The following BACH2 variants were observed in gnomAD, a reference collection of about 807,000 sequenced individuals.
The protein encoded by BACH2 is transcription regulator protein BACH2.
In BACH2, 5 loss-of-function variants were observed where a neutral mutation model predicts 61.8. That is an observed-to-expected ratio of 0.08 (90% CI 0.04 to 0.17). The LOEUF (loss-of-function observed/expected upper bound fraction) is 0.17, where lower values mean the gene tolerates loss of function less well. Ranked by LOEUF, BACH2 falls within the 10% of genes least tolerant of loss-of-function variation. The probability of loss-of-function intolerance (pLI) is 1.00; values close to 1 mark genes in which losing one functional copy is unlikely to be tolerated. For missense variants in BACH2, 824 were observed against 1,091.1 expected (o/e 0.76, Z 3.45); for synonymous variants, 446 against 440.1 (o/e 1.01, Z -0.17).
chr6:89,950,862 C>T lies in BACH2; in HGVS notation c.1244G>A (p.Gly415Glu), dbSNP rs149898769. ...CTCCTGTTTACAGAGAGCCTCCAAC[C>T]CAGGCCCCCTGAGGGGCGACCCCAT... ...FTMGSPLRGP[G>E]LEALCKQEGE... The change falls in exon 7 of 9, where the codon GGG becomes GAG. Residue 415 changes from glycine to glutamate, a missense_variant. Physicochemically the swap from Gly to Glu is moderately conservative, Grantham distance 98. Coordinates refer to ENST00000257749, the MANE Select transcript of BACH2 (RefSeq NM_021813.4). This position sits in a 1 kb window ranked among gnomAD's most constrained non-coding sequence, Gnocchi z 5.3. 5,034 of 1,611,998 alleles carry T rather than the reference C, an allele frequency of 3.1e-3. 9 individuals carry two copies. Among genetic ancestry groups the T allele is most frequent in the Non-Finnish European group, 3.9e-3 (4,559 of 1,178,778 alleles).
At chr6:89,970,732 G>C (rs1390646310) in intron 6 of BACH2, among the ~76,000 whole-genome samples, 2 of 152,158 alleles carry the variant, frequency 1.3e-5, no homozygotes, top group South Asian at 4.1e-4. Context: ...GCACTGCCGA[G>C]CTGGCTGGCT....
In BACH2 at chr6:89,932,354, C is replaced by A; in HGVS notation, c.*54G>T. 6.3e-7 allele frequency: 1 copy of A among 1,577,546 alleles called. No homozygotes were observed. The highest frequency in any genetic ancestry group is 8.6e-7 in the Non-Finnish European group (1 of 1,157,908). Reference sequence around the variant, plus strand: ...GCAGATGAACAGTGCCACAGGCTGACTGAAGAACGCCTGGATGGGAGAGGT... The same window carrying A: ...GCAGATGAACAGTGCCACAGGCTGAATGAAGAACGCCTGGATGGGAGAGGT... On this transcript the variant is annotated 3_prime_UTR_variant, in exon 9 of 9. Coordinates refer to ENST00000257749, the MANE Select transcript of BACH2 (RefSeq NM_021813.4).
chr6:90,220,785 A>G (rs1276528692), intron 3 of BACH2, among the ~76,000 whole-genome samples: 1 of 152,258 alleles, frequency 6.6e-6, no homozygotes, highest in Non-Finnish European at 1.5e-5. Context: ...AAGAAAAACA[A>G]TAACAGCATA....
chr6:90,275,891 C>G (rs1771675362), intron 1 of BACH2, among the ~76,000 whole-genome samples: 1 of 151,812 alleles, frequency 6.6e-6, no homozygotes, highest in Non-Finnish European at 1.5e-5. Flanking sequence ...ACAGTTTGAA[C>G]CCAGGAGGCA....
intron 3 of BACH2, among the ~76,000 whole-genome samples, chr6:90,240,837 CATT>C (rs1211094728): frequency 1.3e-5 from 2 of 152,092 alleles, no homozygotes. Flanking sequence ...TCCAGCCAAA[CATT>C]ATTAAGAAGC....
intron 4 of BACH2, among the ~76,000 whole-genome samples, chr6:90,178,301 A>T (rs1768045511): frequency 6.6e-6 from 1 of 152,194 alleles, no homozygotes; most frequent in Non-Finnish European, 1.5e-5. Context: ...TCTGTATATT[A>T]GTATACTACA....
At chr6:89,981,522 C>T (rs1775958234) in intron 6 of BACH2, among the ~76,000 whole-genome samples, 1 of 152,076 alleles carries the variant, frequency 6.6e-6, no homozygotes, top group South Asian at 2.1e-4. Flanking sequence ...CAAAAACTGC[C>T]AATCGATATT....
At chr6:90,129,865 T>G (rs1013779137) in intron 4 of BACH2, among the ~76,000 whole-genome samples, 51 of 151,878 alleles carry the variant, frequency 3.4e-4, no homozygotes, top group African/African-American at 5.3e-4. Context: ...AAGTTTTTTT[T>G]TTGTTGTTGT....
chr6:90,131,579 G>A (rs567795969), intron 4 of BACH2, among the ~76,000 whole-genome samples: 2 of 152,288 alleles, frequency 1.3e-5, no homozygotes, highest in African/African-American at 2.4e-5. Context: ...GGTCATTAAC[G>A]TAACCCTTTA....
chr6:90,125,595 G>C (rs1783814924), intron 4 of BACH2, among the ~76,000 whole-genome samples: 1 of 152,192 alleles, frequency 6.6e-6, no homozygotes, highest in Non-Finnish European at 1.5e-5. Context: ...GTGTAAAACT[G>C]CTTCTCTGCT....
rs1772406786 is a variant in BACH2 at position 89,927,333 on chromosome 6, TA to T, written c.*5074del. 1 of 152,840 alleles carries T rather than the reference TA, an allele frequency of 6.5e-6. No individual in the cohort carries two copies. Among genetic ancestry groups the T allele is most frequent in the African/African-American group, 2.4e-5 (1 of 41,476 alleles). The allele number at this position is 152,840 out of a possible 1,614,324, so 9.5% of individuals were successfully genotyped here. A position where few individuals can be genotyped will look rare whatever the true frequency, so the allele number is the denominator to read the frequency against. ...ATTGTTAGGACTTAAGGGGAGGTCATAGTTCTGCCTCCAAACATGTTTTGGT... is the reference window on the plus strand; with the variant it reads ...ATTGTTAGGACTTAAGGGGAGGTCATGTTCTGCCTCCAAACATGTTTTGGT... On this transcript the variant is annotated 3_prime_UTR_variant, in exon 9 of 9. Transcript: ENST00000257749.
intron 4 of BACH2, among the ~76,000 whole-genome samples, chr6:90,200,128 T>C (rs1399320993): frequency 1.3e-5 from 2 of 152,166 alleles, no homozygotes; most frequent in African/African-American, 2.4e-5. Flanking sequence ...CATGTCACAG[T>C]CTCTTTAAAC....
chr6:90,056,648 C>A (rs1388940739), intron 5 of BACH2, among the ~76,000 whole-genome samples: 4 of 152,118 alleles, frequency 2.6e-5, no homozygotes, highest in Non-Finnish European at 5.9e-5. Context: ...GAACTCTCCA[C>A]CCCAAATCAA....
intron 3 of BACH2, among the ~76,000 whole-genome samples, chr6:90,249,948 G>C (rs1019556271): frequency 6.6e-6 from 1 of 152,132 alleles, no homozygotes; most frequent in African/African-American, 2.4e-5. Flanking sequence ...TTTTTAAATG[G>C]GAGATAGGTT....
At position 90,008,224 on chromosome 6, in the gene BACH2, T is replaced by A. The variant is rs578225369; in HGVS notation, c.243+378A>T. Reference sequence around the variant, plus strand: ...GGTGCTGTGAATGCTTTCGATCTTTTACTCTCAAGGGAAATCTAGTGATCC... The same window carrying A: ...GGTGCTGTGAATGCTTTCGATCTTTAACTCTCAAGGGAAATCTAGTGATCC... On this transcript the variant is annotated intron_variant, in intron 6 of 8. Transcript: ENST00000257749. The surrounding 1 kb of genome is among the most constrained non-coding windows in gnomAD (Gnocchi z 4.1). 5.3e-6 allele frequency: 1 copy of A among 187,110 alleles called. No individual in the cohort carries two copies. Among genetic ancestry groups the A allele is most frequent in the African/African-American group, 2.3e-5 (1 of 42,888 alleles). 11.6% of individuals were successfully genotyped at this position (187,110 alleles called of 1,614,324 possible).
Position 89,950,786 on chromosome 6 carries a change from T to A in BACH2, c.1320A>T (p.Gln440His), listed in dbSNP as rs372989557. 6.2e-7 allele frequency: 1 copy of A among 1,614,006 alleles called. No homozygotes were observed. Among genetic ancestry groups the A allele is most frequent in the African/African-American group, 1.3e-5 (1 of 74,902 alleles). Residue 440 changes from glutamine to histidine, a missense_variant, in exon 7 of 9, where the codon CAA (glutamine) becomes CAT (histidine). Gln to His is a conservative substitution (Grantham distance 24). Transcript: ENST00000257749. The surrounding 1 kb of genome is among the most constrained non-coding windows in gnomAD (Gnocchi z 5.3). ...AATAAGAATGCACCGAGGTGCTCAC[T>A]TGGTCACAAGCGCTGGAGGAGAAGA... is the stretch of plus-strand genomic sequence containing the variant. ...SVIFSSSACD[Q>H]VSTSVHSYSG...
chr6:90,053,343 G>C (rs963835924), intron 5 of BACH2, among the ~76,000 whole-genome samples: 13 of 152,146 alleles, frequency 8.5e-5, no homozygotes, highest in African/African-American at 3.1e-4. Context: ...ACAGTGGTGT[G>C]ATCAAGGCTC....
intron 6 of BACH2, among the ~76,000 whole-genome samples, chr6:89,967,675 C>T (rs1562332032): frequency 6.6e-6 from 1 of 152,132 alleles, no homozygotes; most frequent in South Asian, 2.1e-4. Context: ...CTTTAACAAG[C>T]GTGGGAGGCC....
chr6:90,006,671 A>G (rs556265941), intron 6 of BACH2, among the ~76,000 whole-genome samples: 1 of 152,256 alleles, frequency 6.6e-6, no homozygotes, highest in South Asian at 2.1e-4. Flanking sequence ...GCTGGAGTGC[A>G]CTGGTGTGAT....
Sources: gnomAD v4.1 joint callset for allele counts (sites outside exome capture counted in the v4.1 genomes callset) on GRCh38, gnomAD v4.1.1 for gene constraint, Gnocchi (gnomAD v3.1) non-coding constraint, MANE v1.5 for transcripts, NCBI Gene and HGNC (gene_info 2026-07-23, HGNC 2026-07-21) for gene names.